The following OSBPL3 variants were observed in gnomAD, a reference collection of about 807,000 sequenced individuals.
The protein encoded by OSBPL3 is oxysterol binding protein like 3, also known as oxysterol-binding protein-related protein 3.
In OSBPL3, 65 loss-of-function variants were observed where a neutral mutation model predicts 120.1. The observed-to-expected ratio is 0.54, with a 90% CI of 0.44 to 0.67. The LOEUF (loss-of-function observed/expected upper bound fraction) is 0.67. OSBPL3 is among the 30% of genes least tolerant of loss of function. OSBPL3 has a pLI of 0.00. For missense variants in OSBPL3, 1,004 were observed against 1,082.1 expected (o/e 0.93, Z 1.01); for synonymous variants, 416 against 402.6 (o/e 1.03, Z -0.40).
chr7:24,943,655 C>T (rs1383466286), intron 1 of OSBPL3, among the ~76,000 whole-genome samples: 2 of 152,106 alleles, frequency 1.3e-5, no homozygotes, highest in East Asian at 1.9e-4. Context: ...TAGAGTCATG[C>T]TAAGAAACAG....
intron 2 of OSBPL3, among the ~76,000 whole-genome samples, chr7:24,890,516 A>ACTAAGCATACCCTGGGACAGAACACCTTT (rs1294503849): frequency 4.6e-5 from 7 of 152,306 alleles, no homozygotes; most frequent in South Asian, 4.1e-4. Context: ...GGATGGAAAC[A>ACTAAGCATACCCTGGGACAGAACACCTTT]CTAAGCATAC....
At chr7:24,845,339 A>T (rs537400047) in intron 12 of OSBPL3, among the ~76,000 whole-genome samples, 1 of 134,948 alleles carries the variant, frequency 7.4e-6, no homozygotes, top group Non-Finnish European at 1.5e-5. Flanking sequence ...CTCCCTCTGC[A>T]TTTCTTTGTA....
chr7:24,904,215 G>A lies in OSBPL3; in HGVS notation c.-149-11594C>T, dbSNP rs369174197. On this transcript the variant is annotated intron_variant, in intron 1 of 22. Transcript: ENST00000313367. ...GTTTTCTTAACAGCATGACAAGGAA[G>A]ACTTACTCCCTCTTCCTAACAAAGA... is the stretch of plus-strand genomic sequence containing the variant. Among the ~76,000 whole-genome samples the A allele has an allele frequency of 9.8e-5, 15 of 152,332 alleles. 1 individual carries two copies. Among genetic ancestry groups the A allele is most frequent in the Admixed American group, 3.9e-4 (6 of 15,298 alleles).
At position 24,938,421 on chromosome 7, in the gene OSBPL3, T is replaced by C. The variant is rs929566345; in HGVS notation, c.-150+41465A>G. ...GTTTATGATATTTGTTATAGCAGCC[T>C]GAACTACTACATTGCCACATGAAAA... On this transcript the variant is annotated intron_variant, in intron 1 of 22. Coordinates refer to ENST00000313367, the MANE Select transcript of OSBPL3 (RefSeq NM_015550.4). This position sits in a 1 kb window ranked among gnomAD's most constrained non-coding sequence, Gnocchi z 5.8. 3.3e-5 allele frequency among the ~76,000 whole-genome samples: 5 copies of C among 152,186 alleles called. No homozygotes were observed. Among genetic ancestry groups the C allele is most frequent in the African/African-American group, 9.7e-5 (4 of 41,440 alleles).
chr7:24,890,731 G>T (rs971836323), intron 2 of OSBPL3, among the ~76,000 whole-genome samples: 2 of 152,256 alleles, frequency 1.3e-5, no homozygotes, highest in South Asian at 4.1e-4. Flanking sequence ...TAAAGCAGGA[G>T]ACCCTAAATA....
intron 1 of OSBPL3, among the ~76,000 whole-genome samples, chr7:24,904,163 G>A (rs968293832): frequency 1.3e-5 from 2 of 152,180 alleles, no homozygotes; most frequent in African/African-American, 4.8e-5. Flanking sequence ...GATTACAGGT[G>A]TGAGTCACTG....
chr7:24,828,086 G>A (rs1210092278), intron 16 of OSBPL3, among the ~76,000 whole-genome samples: 1 of 151,724 alleles, frequency 6.6e-6, no homozygotes, highest in African/African-American at 2.4e-5. Flanking sequence ...GTGCAGTGGT[G>A]CGATCTCGGC....
Position 24,947,201 on chromosome 7 carries a change from C to A in OSBPL3, c.-150+32685G>T, listed in dbSNP as rs1370775191. On this transcript the variant is annotated intron_variant, in intron 1 of 22. Coordinates refer to ENST00000313367, the MANE Select transcript of OSBPL3 (RefSeq NM_015550.4). The surrounding 1 kb of genome is among the most constrained non-coding windows in gnomAD (Gnocchi z 4.4). ...GATTCTAAGGTCCCTTCTAAGAAAG[C>A]CTTCTATAATTCCATAACAAAGGAT... Among the ~76,000 whole-genome samples the A allele has an allele frequency of 6.6e-6, 1 of 152,130 alleles. No homozygotes were observed.
intron 13 of OSBPL3, 118 bp downstream of exon 13, chr7:24,842,161 T>A: frequency 9.8e-7 from 1 of 1,024,712 alleles, no homozygotes. Flanking sequence ...CAGAACATAA[T>A]GACTACAAAG....
rs909425538 is a variant in OSBPL3, at chr7:24,805,487, C to T, written c.2445-1050G>A. Among the ~76,000 whole-genome samples, 5 of 152,132 alleles carry T rather than the reference C, an allele frequency of 3.3e-5. No homozygotes were observed. Among genetic ancestry groups the T allele is most frequent in the Admixed American group, 2.0e-4 (3 of 15,272 alleles). On this transcript the variant is annotated intron_variant, in intron 21 of 22. Coordinates refer to ENST00000313367, the MANE Select transcript of OSBPL3 (RefSeq NM_015550.4). The surrounding 1 kb of genome is among the most constrained non-coding windows in gnomAD (Gnocchi z 4.0). ...TTAACAATGCTTGCCATTCTTTAAA[C>T]ACCACATACGTTATTAATATATACT...
chr7:24,882,874 G>T (rs567448239), intron 2 of OSBPL3, among the ~76,000 whole-genome samples: 1 of 152,176 alleles, frequency 6.6e-6, no homozygotes, highest in African/African-American at 2.4e-5. Context: ...GTCTTCTTTT[G>T]AAAAATGTTT....
In OSBPL3 at chr7:24,808,082, G is replaced by A. The variant is rs534359813; in HGVS notation, c.2318-1180C>T. ...TGCCTGGCTAATCTTTGTATTTTTA[G>A]TAGAGATGAGATTTTGCCATGTTGT... On this transcript the variant is annotated intron_variant, in intron 20 of 22. Transcript: ENST00000313367. The surrounding 1 kb of genome is among the most constrained non-coding windows in gnomAD (Gnocchi z 4.6). Among the ~76,000 whole-genome samples the A allele has an allele frequency of 2.8e-4, 42 of 152,238 alleles. No individual in the cohort carries two copies. Among genetic ancestry groups the A allele is most frequent in the Admixed American group, 8.5e-4 (13 of 15,292 alleles).
rs1256022739 is a variant in OSBPL3 at position 24,835,722 on chromosome 7, A to G, written c.1496-986T>C. Among the ~76,000 whole-genome samples the G allele has an allele frequency of 6.6e-6, 1 of 152,236 alleles. No individual in the cohort carries two copies. The highest frequency in any genetic ancestry group is 1.5e-5 in the Non-Finnish European group (1 of 68,044). ...ATGTGGTACATATACACCATGGAAT[A>G]CTGTGCAGCCATAAAAAAGAATGGG... On this transcript the variant is annotated intron_variant, in intron 14 of 22. Coordinates refer to ENST00000313367, the MANE Select transcript of OSBPL3 (RefSeq NM_015550.4). This position sits in a 1 kb window ranked among gnomAD's most constrained non-coding sequence, Gnocchi z 4.8.
In OSBPL3 at chr7:24,852,462, G is replaced by A. The variant is rs772693055; in HGVS notation, c.1158+42C>T. The A allele has an allele frequency of 1.3e-6, 2 of 1,498,714 alleles. No individual in the cohort carries two copies. The highest frequency in any genetic ancestry group is 2.8e-5 in the African/African-American group (2 of 70,860). 92.8% of individuals were successfully genotyped at this position (1,498,714 alleles called of 1,614,324 possible). A position where few individuals can be genotyped will look rare whatever the true frequency, so the allele number is the denominator to read the frequency against. On this transcript the variant is annotated intron_variant, in intron 11 of 22. Transcript: ENST00000313367. The surrounding 1 kb of genome is among the most constrained non-coding windows in gnomAD (Gnocchi z 4.1). ...GAAATTACAAACCATTCATGAGCCT[G>A]GACACATCTCAGGCATTCCTGGAGG...
Position 24,820,230 on chromosome 7 carries a change from G to A in OSBPL3, c.1893C>T (p.His631=), listed in dbSNP as rs1794954212. 6.2e-7 allele frequency: 1 copy of A among 1,611,780 alleles called. No individual in the cohort carries two copies. Residue 631 remains histidine (H), a synonymous_variant, in exon 17 of 23, where the codon CAC becomes CAT. Coordinates refer to ENST00000313367, the MANE Select transcript of OSBPL3 (RefSeq NM_015550.4). The surrounding 1 kb of genome is among the most constrained non-coding windows in gnomAD (Gnocchi z 4.6). ...GFQFFSEQVS[H]HPPISACHAE... ...CATGACACGCAGAGATAGGCGGATG[G>A]TGGCTGACCTGATGGAAACAAAGGA...
chr7:24,820,035 A>G lies in OSBPL3; in HGVS notation c.1948+140T>C. 1.8e-6 allele frequency: 1 copy of G among 553,470 alleles called. No individual in the cohort carries two copies. The highest frequency in any genetic ancestry group is 3.3e-6 in the Non-Finnish European group (1 of 300,132). The allele number at this position is 553,470 out of a possible 1,614,324, so 34.3% of individuals were successfully genotyped here. On this transcript the variant is annotated intron_variant, in intron 17 of 22. Coordinates refer to ENST00000313367, the MANE Select transcript of OSBPL3 (RefSeq NM_015550.4). The surrounding 1 kb of genome is among the most constrained non-coding windows in gnomAD (Gnocchi z 4.6). The stretch of plus-strand genomic sequence containing the variant: ...TAAGTGAGAGATGAGAGGCAAGAAC[A>G]GGTGGCGCAGATCCTTCCAACCAGG...
chr7:24,892,731 G>T, intron 1 of OSBPL3, 110 bp from the exon 2 acceptor site: 3 of 667,044 alleles, frequency 4.5e-6, no homozygotes, highest in Non-Finnish European at 6.2e-6. Flanking sequence ...GACTCACGAT[G>T]TTTAGCTATA....
Position 24,804,259 on chromosome 7 carries a change from G to A in OSBPL3, c.2567+56C>T. ...ACTGTTCACTTTCTGCAAACCAGAA[G>A]CATAACGTGCTGGCACCACCTATCA... On this transcript the variant is annotated intron_variant, in intron 22 of 22. Coordinates refer to ENST00000313367, the MANE Select transcript of OSBPL3 (RefSeq NM_015550.4). This position sits in a 1 kb window ranked among gnomAD's most constrained non-coding sequence, Gnocchi z 5.4. 6.2e-7 allele frequency: 1 copy of A among 1,607,528 alleles called. No homozygotes were observed. Among genetic ancestry groups the A allele is most frequent in the South Asian group, 1.1e-5 (1 of 90,888 alleles).
Position 24,863,634 on chromosome 7 carries a change from C to T in OSBPL3, c.674-35G>A. 7.5e-7 allele frequency: 1 copy of T among 1,337,888 alleles called. No homozygotes were observed. The highest frequency in any genetic ancestry group is 1.1e-6 in the Non-Finnish European group (1 of 928,274). The allele number at this position is 1,337,888 out of a possible 1,614,324, so 82.9% of individuals were successfully genotyped here. A position where few individuals can be genotyped will look rare whatever the true frequency, so the allele number is the denominator to read the frequency against. Reference sequence around the variant, plus strand: ...AAAAGAGGACAGTGCTCACAATGCTCCACTAGCAAGAGGGATCACTGTGCT... The same window carrying T: ...AAAAGAGGACAGTGCTCACAATGCTTCACTAGCAAGAGGGATCACTGTGCT... On this transcript the variant is annotated intron_variant, in intron 7 of 22. Transcript: ENST00000313367. This position sits in a 1 kb window ranked among gnomAD's most constrained non-coding sequence, Gnocchi z 5.8.
Sources: gnomAD v4.1 joint callset for allele counts (sites outside exome capture counted in the v4.1 genomes callset) on GRCh38, gnomAD v4.1.1 for gene constraint, Gnocchi (gnomAD v3.1) non-coding constraint, MANE v1.5 for transcripts, NCBI Gene and HGNC (gene_info 2026-07-23, HGNC 2026-07-21) for gene names.